The following GRIK2 variants were observed in gnomAD, a reference collection of about 807,000 sequenced individuals.
The protein encoded by GRIK2 is glutamate receptor ionotropic, kainate 2.
A neutral mutation model predicts 100.3 loss-of-function variants in GRIK2; 32 were observed. The observed-to-expected ratio is 0.32, with a 90% CI of 0.24 to 0.43. The LOEUF is 0.43. Among genes scored for constraint, GRIK2 ranks in the 20% least tolerant of loss-of-function variants. GRIK2 has a pLI of 1.00. For synonymous variants in GRIK2, 417 were observed against 389.4 expected (o/e 1.07, Z -0.83); for missense variants, 843 against 1,114.9 (o/e 0.76, Z 3.47).
intron 2 of GRIK2, among the ~76,000 whole-genome samples, chr6:101,501,064 A>G (rs1773723681): frequency 6.6e-6 from 1 of 152,184 alleles, no homozygotes; most frequent in Non-Finnish European, 1.5e-5. Context: ...ACTTTTGAAT[A>G]TTAATGACAG....
At chr6:101,441,537 A>G (rs903079677) in intron 2 of GRIK2, among the ~76,000 whole-genome samples, 12 of 152,138 alleles carry the variant, frequency 7.9e-5, no homozygotes, top group Non-Finnish European at 1.6e-4. Context: ...GATTCTTTAC[A>G]TGCTTGGCGC....
intron 14 of GRIK2, among the ~76,000 whole-genome samples, chr6:101,946,750 G>A (rs1791304036): frequency 6.6e-6 from 1 of 152,146 alleles, no homozygotes; most frequent in African/African-American, 2.4e-5. Flanking sequence ...AGGACTGGAG[G>A]GTGTTTAAAA....
intron 15 of GRIK2, among the ~76,000 whole-genome samples, chr6:102,038,955 G>A (rs1770423198): frequency 6.6e-6 from 1 of 151,254 alleles, no homozygotes; most frequent in South Asian, 2.1e-4. Context: ...AGCCTATGTG[G>A]TTTGATGAGG....
chr6:101,412,850 T>C (rs1484276912), intron 2 of GRIK2, among the ~76,000 whole-genome samples: 2 of 151,986 alleles, frequency 1.3e-5, no homozygotes, highest in African/African-American at 4.8e-5. Context: ...ACGGGATAAA[T>C]TGATATACGT....
chr6:101,836,112 G>T (rs1439234572), intron 10 of GRIK2, among the ~76,000 whole-genome samples: 1 of 151,608 alleles, frequency 6.6e-6, no homozygotes, highest in African/African-American at 2.4e-5. Flanking sequence ...TTCTGCTGTT[G>T]CAGTTGTTCA....
intron 10 of GRIK2, among the ~76,000 whole-genome samples, chr6:101,851,810 T>G (rs1446758238): frequency 6.6e-6 from 1 of 151,912 alleles, no homozygotes; most frequent in Non-Finnish European, 1.5e-5. Flanking sequence ...AGGTGTTTAA[T>G]TATGTAATGA....
chr6:101,596,075 C>T (rs1166135591), intron 2 of GRIK2, among the ~76,000 whole-genome samples: 1 of 150,668 alleles, frequency 6.6e-6, no homozygotes, highest in African/African-American at 2.4e-5. Flanking sequence ...CCTCATGAAT[C>T]ACAGAGCAAA....
chr6:101,677,751 T>A (rs770658885), intron 5 of GRIK2, among the ~76,000 whole-genome samples: 2 of 152,100 alleles, frequency 1.3e-5, no homozygotes, highest in Non-Finnish European at 2.9e-5. Context: ...GACAAAATAT[T>A]TCTACTGGAG....
intron 1 of GRIK2, among the ~76,000 whole-genome samples, chr6:101,396,250 C>CG (rs903804660): frequency 4.7e-5 from 7 of 150,192 alleles, no homozygotes; most frequent in African/African-American, 1.7e-4. Context: ...ATTCCCCCCC[C>CG]CCCCAGGAAG....
chr6:102,017,648 A>C (rs1452091014), intron 14 of GRIK2, among the ~76,000 whole-genome samples: 1 of 151,970 alleles, frequency 6.6e-6, no homozygotes, highest in African/African-American at 2.4e-5. Flanking sequence ...TCCTTTTGCT[A>C]TTCTTATTCT....
intron 14 of GRIK2, chr6:101,993,827 T>C (rs1794504023): frequency 6.8e-6 from 1 of 147,968 alleles, no homozygotes; most frequent in Non-Finnish European, 1.5e-5. Context: ...AAAATAAATA[T>C]ATATGTTCTA....
In GRIK2 at chr6:101,520,665, T is replaced by C. The variant is rs112425259; in HGVS notation, c.116-101284T>C. On this transcript the variant is annotated intron_variant, in intron 2 of 16. Coordinates refer to ENST00000369134, the MANE Select transcript of GRIK2 (RefSeq NM_021956.5). ...TTGGCATTGTGCGGCGACTTCTTTC[T>C]GAGAAAATAGCAGAAAATCTGAAGA... is the stretch of plus-strand genomic sequence containing the variant. Among the ~76,000 whole-genome samples the C allele has an allele frequency of 6.6e-5, 10 of 152,224 alleles. 1 individual carries two copies. Among genetic ancestry groups the C allele is most frequent in the African/African-American group, 2.4e-4 (10 of 41,568 alleles).
chr6:101,768,836 G>T (rs1583110265), intron 7 of GRIK2, among the ~76,000 whole-genome samples: 1 of 152,112 alleles, frequency 6.6e-6, no homozygotes, highest in Non-Finnish European at 1.5e-5. Context: ...GATTGTTAAA[G>T]AAAATTAAGT....
chr6:101,716,725 C>G (rs560986309), intron 7 of GRIK2, among the ~76,000 whole-genome samples: 2 of 151,678 alleles, frequency 1.3e-5, no homozygotes, highest in East Asian at 3.9e-4. Flanking sequence ...GTTGTGCACA[C>G]GTACCCAAGA....
chr6:101,980,502 G>T (rs1010993025), intron 14 of GRIK2, among the ~76,000 whole-genome samples: 8 of 151,964 alleles, frequency 5.3e-5, no homozygotes, highest in Admixed American at 5.3e-4. Context: ...TACAACCTTT[G>T]CTCTTATCTC....
At chr6:101,751,305 G>A (rs1776773210) in intron 7 of GRIK2, among the ~76,000 whole-genome samples, 1 of 151,590 alleles carries the variant, frequency 6.6e-6, no homozygotes, top group Non-Finnish European at 1.5e-5. Flanking sequence ...ATGTACAAAA[G>A]TAGACACAAT....
chr6:101,737,435 G>A (rs767137528), intron 7 of GRIK2, among the ~76,000 whole-genome samples: 7 of 152,322 alleles, frequency 4.6e-5, no homozygotes, highest in Admixed American at 3.3e-4. Flanking sequence ...GCAAGGAGGA[G>A]CAAATCATAT....
At chr6:101,467,311 A>T (rs1349975296) in intron 2 of GRIK2, among the ~76,000 whole-genome samples, 3 of 152,196 alleles carry the variant, frequency 2.0e-5, no homozygotes, top group African/African-American at 7.2e-5. Context: ...TCATTTAATT[A>T]TACAGTAGTA....
At chr6:101,500,860 G>C (rs2128273342) in intron 2 of GRIK2, among the ~76,000 whole-genome samples, 1 of 152,038 alleles carries the variant, frequency 6.6e-6, no homozygotes, top group Admixed American at 6.6e-5. Context: ...TATTTACCTT[G>C]CAAGGTTTTA....
Sources: gnomAD v4.1 joint callset for allele counts (sites outside exome capture counted in the v4.1 genomes callset) on GRCh38, gnomAD v4.1.1 for gene constraint, MANE v1.5 for transcripts, NCBI Gene and HGNC (gene_info 2026-07-23, HGNC 2026-07-21) for gene names.